Variants in TNIK observed in about 807,000 individuals in gnomAD.
TNIK encodes the protein TRAF2 and NCK interacting kinase, also known as TRAF2 and NCK-interacting protein kinase.
Under a neutral mutation model 191.3 loss-of-function variants are expected in TNIK, and 49 were observed. That is an observed-to-expected ratio of 0.26 (90% confidence interval 0.20 to 0.32). TNIK has a LOEUF of 0.32. TNIK is among the 10% of genes least tolerant of loss of function. The pLI is 1.00. For synonymous variants in TNIK, 594 were observed against 600.9 expected, an observed-to-expected ratio of 0.99 and a Z score of 0.17; for missense variants, 1,155 against 1,702.3, an observed-to-expected ratio of 0.68 and a Z score of 5.66.
chr3:171,190,975 ACCCAGGCAGT>A (rs1383070441), intron 5 of TNIK, among the ~76,000 whole-genome samples, 188 bp from the exon 6 acceptor site: 1 of 152,206 alleles, frequency 6.6e-6, no homozygotes, highest in African/African-American at 2.4e-5. Context: ...AAATTAAAGT[ACCCAGGCAGT>A]CCTTGCAATG....
rs528072989 is a variant in TNIK at position 171,353,771 on chromosome 3, A to T, written c.123+15849T>A. On this transcript the variant is annotated intron_variant, in intron 2 of 32. Transcript: ENST00000436636. The stretch of plus-strand genomic sequence containing the variant: ...CCTTCCACATGGGTGTTTTGCCTAC[A>T]AATCAAAGTTTTTATTTTGGATGCC... 9.8e-5 allele frequency among the ~76,000 whole-genome samples: 15 copies of T among 152,334 alleles called. 1 individual carries two copies. The East Asian group carries it at 2.7e-3, about 27-fold the overall frequency.
intron 2 of TNIK, among the ~76,000 whole-genome samples, chr3:171,307,136 AC>A (rs1214836178): frequency 6.6e-6 from 1 of 152,050 alleles, no homozygotes; most frequent in Non-Finnish European, 1.5e-5. Flanking sequence ...CGTTTCCAAA[AC>A]CTATTTTCTA....
chr3:171,107,059 AGATTGCTACAAATCTCCTCCCAGCT>A (rs1335138313), intron 21 of TNIK, 99 bp downstream of exon 21: 6 of 999,972 alleles, frequency 6.0e-6, no homozygotes, highest in African/African-American at 5.0e-5. Context: ...TCCTCCCAGC[AGATTGCTACAAATCTCCTCCCAGCT>A]GATTGCTCCC....
chr3:171,213,541 C>G (rs886954540), intron 3 of TNIK, among the ~76,000 whole-genome samples: 3 of 151,920 alleles, frequency 2.0e-5, no homozygotes, highest in African/African-American at 7.3e-5. Context: ...GGGGGACTGC[C>G]TATAAAAAGC....
At position 171,193,091 on chromosome 3, in the gene TNIK, T is replaced by C. The variant is rs1738257891; in HGVS notation, c.417+1434A>G. ...TACTATTTACTGATAAAAGAACCCT[T>C]TCCTTTGACACAGACCAGGTATCAT... On this transcript the variant is annotated intron_variant, in intron 5 of 32. Transcript: ENST00000436636. Among the ~76,000 whole-genome samples the C allele has an allele frequency of 2.0e-5, 3 of 152,238 alleles. No homozygotes were observed. In the South Asian group the frequency reaches 6.2e-4, roughly 32 times the overall value.
chr3:171,155,986 G>C (rs1733118943), intron 12 of TNIK, among the ~76,000 whole-genome samples: 1 of 152,180 alleles, frequency 6.6e-6, no homozygotes, highest in Admixed American at 6.5e-5. Flanking sequence ...AGATTATTGT[G>C]AGGATTAAAT....
At chr3:171,117,892 C>G (rs1456599801) in intron 18 of TNIK, among the ~76,000 whole-genome samples, 1 of 152,092 alleles carries the variant, frequency 6.6e-6, no homozygotes. Context: ...ATCGCCTGAA[C>G]CTGGGAGGTG....
At chr3:171,237,972 A>G (rs181168161) in intron 2 of TNIK, among the ~76,000 whole-genome samples, 43 of 152,320 alleles carry the variant, frequency 2.8e-4, no homozygotes, top group Admixed American at 2.6e-3. Flanking sequence ...ATTCTTTAAC[A>G]GTCCCATTAC....
At chr3:171,313,400 T>A (rs1353146142) in intron 2 of TNIK, among the ~76,000 whole-genome samples, 1 of 152,060 alleles carries the variant, frequency 6.6e-6, no homozygotes, top group African/African-American at 2.4e-5. Context: ...AGGGGTCAGG[T>A]GATGTGATGG....
intron 7 of TNIK, among the ~76,000 whole-genome samples, chr3:171,182,335 C>T (rs148686648): frequency 6.6e-6 from 1 of 152,134 alleles, no homozygotes; most frequent in East Asian, 1.9e-4. Context: ...CCGTTGGATA[C>T]ATTAGCGAGT....
intron 18 of TNIK, among the ~76,000 whole-genome samples, chr3:171,113,998 TAAAAAAAAA>T (rs10576485): frequency 7.2e-6 from 1 of 139,454 alleles, no homozygotes; most frequent in Non-Finnish European, 1.5e-5. Context: ...ACGATTTTGT[TAAAAAAAAA>T]AAAAAAAAAA....
intron 1 of TNIK, among the ~76,000 whole-genome samples, chr3:171,415,973 C>CAAAAAAAAAAAAAAAAAAAA (rs769531813): frequency 1.6e-4 from 2 of 12,588 alleles, no homozygotes; most frequent in Non-Finnish European, 1.3e-4. Context: ...GAGACTGTCT[C>CAAAAAAAAAAAAAAAAAAAA]AAAAAAAAAA....
intron 12 of TNIK, among the ~76,000 whole-genome samples, chr3:171,151,291 C>T (rs1366939913): frequency 6.6e-6 from 1 of 152,192 alleles, no homozygotes; most frequent in Non-Finnish European, 1.5e-5. Flanking sequence ...AATGATATAA[C>T]TGAATTCCTC....
chr3:171,111,483 A>T (rs115270727), intron 18 of TNIK, among the ~76,000 whole-genome samples: 2,007 of 115,788 alleles, frequency 0.017, 44 homozygotes, highest in African/African-American at 0.047. Context: ...ACCTATTAGA[A>T]TGGCTGTTTT....
At chr3:171,193,999 A>C (rs914428217) in intron 5 of TNIK, among the ~76,000 whole-genome samples, 1 of 152,194 alleles carries the variant, frequency 6.6e-6, no homozygotes, top group Admixed American at 6.5e-5. Context: ...ATTAGGTCAC[A>C]AAGATTTTTT....
chr3:171,228,372 A>T (rs1743206113), intron 2 of TNIK, among the ~76,000 whole-genome samples, 151 bp from the exon 3 acceptor site: 1 of 152,232 alleles, frequency 6.6e-6, no homozygotes, highest in Non-Finnish European at 1.5e-5. Flanking sequence ...CACCATGTCT[A>T]CTTAGTGTTT....
intron 7 of TNIK, among the ~76,000 whole-genome samples, chr3:171,182,803 T>C (rs898639272): frequency 6.6e-6 from 1 of 152,120 alleles, no homozygotes; most frequent in Admixed American, 6.5e-5. Context: ...AGAGGCTGTG[T>C]GGCACAAGAC....
At chr3:171,229,312 G>C (rs553650338) in intron 2 of TNIK, among the ~76,000 whole-genome samples, 1 of 152,306 alleles carries the variant, frequency 6.6e-6, no homozygotes, top group East Asian at 1.9e-4. Flanking sequence ...GTTTCATAAA[G>C]GCAAGGACCA....
chr3:171,416,797 T>A (rs1276408658), intron 1 of TNIK, among the ~76,000 whole-genome samples: 1 of 152,208 alleles, frequency 6.6e-6, no homozygotes, highest in South Asian at 2.1e-4. Context: ...GAAAACTATA[T>A]TTCCTAGGCC....
Sources: allele counts gnomAD v4.1 joint callset (sites outside exome capture counted in the v4.1 genomes callset), GRCh38; gene constraint gnomAD v4.1.1; transcripts MANE v1.5; gene names NCBI Gene and HGNC (gene_info 2026-07-23, HGNC 2026-07-21).